The following FLCN variants were observed in gnomAD, a reference collection of about 807,000 sequenced individuals.
The protein encoded by FLCN is folliculin, also known as BHD skin lesion fibrofolliculoma protein.
Under a neutral mutation model 62.5 loss-of-function variants are expected in FLCN, and 22 were observed. The observed-to-expected ratio is 0.35, with a 90% CI of 0.25 to 0.50. The LOEUF is 0.50. Among genes scored for constraint, FLCN ranks in the 20% least tolerant of loss-of-function variants. The pLI, the probability that FLCN is intolerant of heterozygous loss-of-function variation, is 0.97. For missense variants in FLCN, 657 were observed against 778.0 expected, an observed-to-expected ratio of 0.84 and a Z score of 1.85; for synonymous variants, 319 against 310.0, an observed-to-expected ratio of 1.03 and a Z score of -0.30.
chr17:17,233,578 G>C (rs867871630), intron 1 of FLCN, among the ~76,000 whole-genome samples: 1 of 116,012 alleles, frequency 8.6e-6, no homozygotes, highest in Non-Finnish European at 1.7e-5. Context: ...CAGCCTGGGC[G>C]ACACAGCAAG....
intron 4 of FLCN, 110 bp from the exon 5 acceptor site, chr17:17,226,432 AT>A (rs2145016588): frequency 7.6e-7 from 1 of 1,321,122 alleles, no homozygotes; most frequent in Non-Finnish European, 1.1e-6. Context: ...TTGTAAAAAA[AT>A]AATTGGCTTC....
intron 13 of FLCN, among the ~76,000 whole-genome samples, chr17:17,214,396 C>T (rs1208287337): frequency 1.3e-5 from 2 of 151,714 alleles, no homozygotes; most frequent in Non-Finnish European, 2.9e-5. Flanking sequence ...GAGTTCAAGA[C>T]CAGCCTGGCC....
At chr17:17,232,342 C>G (rs1315300624) in intron 2 of FLCN, among the ~76,000 whole-genome samples, 2 of 152,236 alleles carry the variant, frequency 1.3e-5, no homozygotes, top group Non-Finnish European at 2.9e-5. Context: ...TCCAAAGTGC[C>G]TTCCTGACAC....
intron 9 of FLCN, chr17:17,217,532 C>G (rs757536429): frequency 1.9e-5 from 7 of 364,808 alleles, no homozygotes; most frequent in South Asian, 1.5e-4. Flanking sequence ...GTAGGGCCCT[C>G]GACATGGCAG....
chr17:17,221,794 G>A (rs1156466756), intron 7 of FLCN, among the ~76,000 whole-genome samples, 166 bp from the exon 8 acceptor site: 2 of 152,226 alleles, frequency 1.3e-5, no homozygotes, highest in African/African-American at 4.8e-5. Context: ...ACAAGTCAAC[G>A]ACCAAGGTCC....
intron 1 of FLCN, among the ~76,000 whole-genome samples, chr17:17,234,563 G>T (rs924827859): frequency 2.0e-5 from 3 of 151,582 alleles, no homozygotes; most frequent in African/African-American, 7.3e-5. Context: ...AAAAGCACTC[G>T]CTGGGTGCAG....
Position 17,222,540 on chromosome 17 carries a change from T to C in FLCN, c.740A>G (p.Asp247Gly), listed in dbSNP as rs2047124055. The part of the protein sequence containing the change: ...AARSLTSLTS[D>G]DNLWACLHTS... ...GTGCAGGCACGCCCACAGGTTGTCA[T>C]CACTTGTCAGCGATGTCAGCGAGCG... Residue 247 changes from aspartate (D) to glycine (G), a missense_variant, in exon 7 of 14, where the codon GAT becomes GGT. Coordinates refer to ENST00000285071, the MANE Select transcript of FLCN (RefSeq NM_144997.7). The C allele has an allele frequency of 2.5e-6, 4 of 1,614,118 alleles. No individual in the cohort carries two copies. The highest frequency in any genetic ancestry group is 2.5e-6 in the Non-Finnish European group (3 of 1,180,046).
intron 1 of FLCN, among the ~76,000 whole-genome samples, chr17:17,234,665 G>A (rs1045951902): frequency 1.4e-5 from 2 of 147,540 alleles, no homozygotes; most frequent in African/African-American, 5.0e-5. Context: ...CTAACATGGT[G>A]AAACCCTGTC....
intron 13 of FLCN, 90 bp from the exon 14 acceptor site, chr17:17,213,946 G>C: frequency 7.2e-7 from 1 of 1,382,084 alleles, no homozygotes; most frequent in Non-Finnish European, 1.0e-6. Context: ...CACGGCTTTG[G>C]CACCAGCAGG....
intron 13 of FLCN, among the ~76,000 whole-genome samples, chr17:17,214,583 A>C (rs2046852062): frequency 6.6e-6 from 1 of 152,148 alleles, no homozygotes. Context: ...AACAAGAGCC[A>C]AACTCTGACT....
intron 3 of FLCN, chr17:17,228,993 G>A (rs1224328560): frequency 2.0e-5 from 3 of 152,676 alleles, no homozygotes; most frequent in Non-Finnish European, 2.9e-5. Context: ...CCAGGGTGGA[G>A]GTGGGGAACA....
At chr17:17,230,962 C>T (rs183794593) in intron 3 of FLCN, among the ~76,000 whole-genome samples, 147 of 151,970 alleles carry the variant, frequency 9.7e-4, no homozygotes, top group Admixed American at 1.5e-3. Context: ...TTTGGGAGGC[C>T]GAGGTGGGCA....
At chr17:17,229,893 C>A (rs976813863) in intron 3 of FLCN, among the ~76,000 whole-genome samples, 2 of 152,148 alleles carry the variant, frequency 1.3e-5, no homozygotes, top group African/African-American at 4.8e-5. Flanking sequence ...GCGATGCCGG[C>A]GGAACCATGT....
At chr17:17,219,384 G>A (rs553752019) in intron 8 of FLCN, among the ~76,000 whole-genome samples, 175 bp from the exon 9 acceptor site, 1 of 152,140 alleles carries the variant, frequency 6.6e-6, no homozygotes, top group Admixed American at 6.5e-5. Flanking sequence ...GGGCTCAGTT[G>A]CTGTCTACTT....
chr17:17,234,534 T>C (rs1372986212), intron 1 of FLCN, among the ~76,000 whole-genome samples: 2 of 151,150 alleles, frequency 1.3e-5, no homozygotes, highest in African/African-American at 2.4e-5. Flanking sequence ...GCTACTCTTA[T>C]TCGTTTTTCC....
At position 17,212,771 on chromosome 17, in the gene FLCN, A is replaced by T. The variant is rs2046795759; in HGVS notation, c.*884T>A. ...ATTGCACTCCAGCCTGGGCAACAAGAGTGAAACTCCCTCTCAAAAAAAAAA... is the reference window on the plus strand; with the variant it reads ...ATTGCACTCCAGCCTGGGCAACAAGTGTGAAACTCCCTCTCAAAAAAAAAA... On this transcript the variant is annotated 3_prime_UTR_variant, in exon 14 of 14. Transcript: ENST00000285071. The T allele has an allele frequency of 4.9e-6, 1 of 204,140 alleles. No individual in the cohort carries two copies. Among genetic ancestry groups the T allele is most frequent in the Non-Finnish European group, 1.0e-5 (1 of 99,828 alleles). The allele number at this position is 204,140 out of a possible 1,614,324, so 12.6% of individuals were successfully genotyped here.
Position 17,219,229 on chromosome 17 carries a change from G to A in FLCN, c.872-20C>T. On this transcript the variant is annotated intron_variant, in intron 8 of 13. Transcript: ENST00000285071. Reference sequence around the variant, plus strand: ...CTAAATCTGCAAGACAGATGACAAGGACAGTTACAGATACAAACAGTCTCA... The same window carrying A: ...CTAAATCTGCAAGACAGATGACAAGAACAGTTACAGATACAAACAGTCTCA... 1 of 1,612,000 alleles carries A rather than the reference G, an allele frequency of 6.2e-7. No homozygotes were observed. The highest frequency in any genetic ancestry group is 1.7e-4 in the Middle Eastern group (1 of 6,058).
chr17:17,234,621 A>C (rs1366334550), intron 1 of FLCN, among the ~76,000 whole-genome samples: 1 of 151,194 alleles, frequency 6.6e-6, no homozygotes, highest in Non-Finnish European at 1.5e-5. Context: ...AGGAGGGCAG[A>C]TCACCTAAGG....
chr17:17,221,236 C>T, intron 8 of FLCN: 1 of 1,534,908 alleles, frequency 6.5e-7, no homozygotes, highest in Non-Finnish European at 8.7e-7. Context: ...TTGGCTATCA[C>T]AAAATCGGGA....
Sources: gnomAD v4.1 joint callset for allele counts (sites outside exome capture counted in the v4.1 genomes callset) on GRCh38, gnomAD v4.1.1 for gene constraint, MANE v1.5 for transcripts, NCBI Gene and HGNC (gene_info 2026-07-23, HGNC 2026-07-21) for gene names.